SV2B: variants seen among roughly 807,000 people sequenced by gnomAD.
The protein encoded by SV2B is synaptic vesicle glycoprotein 2B.
In SV2B, 41 loss-of-function variants were observed where a neutral mutation model predicts 73.9. The ratio of observed to expected loss-of-function variants is 0.56; its 90% CI spans 0.43 to 0.72. The LOEUF is 0.72. Ranked by LOEUF, SV2B falls within the 30% of genes least tolerant of loss-of-function variation. The pLI is 0.00. For synonymous variants in SV2B, 314 were observed against 314.2 expected, an observed-to-expected ratio of 1.00 and a Z score of 0.01; for missense variants, 764 against 857.8, an observed-to-expected ratio of 0.89 and a Z score of 1.37.
intron 1 of SV2B, among the ~76,000 whole-genome samples, chr15:91,194,605 T>C (rs2045175442): frequency 6.6e-6 from 1 of 152,212 alleles, no homozygotes; most frequent in South Asian, 2.1e-4. Context: ...ATGAAGTGCC[T>C]TGGGGCTGTG....
Position 91,136,343 on chromosome 15 carries a change from C to G in SV2B, c.-392+35980C>G, listed in dbSNP as rs1253336818. ...AAGGTTTGATGTAGGGTTGATGCATCTGACAGCCAGAATGTAAGGGGTCAG... is the reference window on the plus strand; with the variant it reads ...AAGGTTTGATGTAGGGTTGATGCATGTGACAGCCAGAATGTAAGGGGTCAG... On this transcript the variant is annotated intron_variant, in intron 1 of 12. Coordinates refer to ENST00000394232, the MANE Select transcript of SV2B (RefSeq NM_001323032.3). This position sits in a 1 kb window ranked among gnomAD's most constrained non-coding sequence, Gnocchi z 5.6. 6.6e-6 allele frequency among the ~76,000 whole-genome samples: 1 copy of G among 152,158 alleles called. No individual in the cohort carries two copies. Among genetic ancestry groups the G allele is most frequent in the South Asian group, 2.1e-4 (1 of 4,808 alleles).
At chr15:91,114,510 A>G (rs1410312323) in intron 1 of SV2B, among the ~76,000 whole-genome samples, 1 of 152,198 alleles carries the variant, frequency 6.6e-6, no homozygotes, top group Non-Finnish European at 1.5e-5. Flanking sequence ...GCTGGCCCTG[A>G]CAATGTGAGC....
intron 1 of SV2B, among the ~76,000 whole-genome samples, chr15:91,188,448 G>A (rs1222995136): frequency 6.6e-6 from 1 of 152,076 alleles, no homozygotes; most frequent in African/African-American, 2.4e-5. Context: ...CAAGTAGCTG[G>A]GACTACAGGC....
At chr15:91,138,283 T>C (rs1359701453) in intron 1 of SV2B, among the ~76,000 whole-genome samples, 2 of 152,246 alleles carry the variant, frequency 1.3e-5, no homozygotes, top group East Asian at 3.8e-4. Context: ...GTCACATGCA[T>C]GTGTTGAGCA....
intron 1 of SV2B, among the ~76,000 whole-genome samples, chr15:91,113,479 G>T (rs2042092955): frequency 6.6e-6 from 1 of 152,194 alleles, no homozygotes; most frequent in Admixed American, 6.5e-5. Flanking sequence ...ATGGGAACAA[G>T]TTGAGGAGGA....
At chr15:91,153,624 C>G (rs1201238150) in intron 1 of SV2B, among the ~76,000 whole-genome samples, 1 of 152,086 alleles carries the variant, frequency 6.6e-6, no homozygotes, top group East Asian at 1.9e-4. Context: ...CTGAGATAAG[C>G]TTGTGTCATG....
chr15:91,282,214 A>G (rs542340439), intron 10 of SV2B, among the ~76,000 whole-genome samples: 2 of 152,382 alleles, frequency 1.3e-5, no homozygotes, highest in South Asian at 4.1e-4. Context: ...GCTGCATTTT[A>G]TGCACGGAAT....
At chr15:91,166,015 C>A (rs1032264701) in intron 1 of SV2B, among the ~76,000 whole-genome samples, 2 of 152,274 alleles carry the variant, frequency 1.3e-5, no homozygotes, top group South Asian at 4.1e-4. Context: ...CCTTTTCTTT[C>A]AGCACTTAAA....
chr15:91,219,827 T>A (rs1057394345), intron 1 of SV2B, among the ~76,000 whole-genome samples: 6 of 152,204 alleles, frequency 3.9e-5, no homozygotes, highest in African/African-American at 1.4e-4. Flanking sequence ...ACTAATCTAC[T>A]TTCTTTCTAT....
chr15:91,174,613 T>C (rs1384087835), intron 1 of SV2B, among the ~76,000 whole-genome samples: 1 of 152,222 alleles, frequency 6.6e-6, no homozygotes, highest in Admixed American at 6.5e-5. Context: ...AGGAAGCTCC[T>C]GGCTAGCTCA....
At chr15:91,168,309 A>G (rs1184994209) in intron 1 of SV2B, among the ~76,000 whole-genome samples, 4 of 151,480 alleles carry the variant, frequency 2.6e-5, no homozygotes, top group African/African-American at 9.7e-5. Flanking sequence ...TACGAGAGAG[A>G]GAGAGAGAGA....
Position 91,141,507 on chromosome 15 carries a change from A to G in SV2B, c.-392+41144A>G, listed in dbSNP as rs146009851. Among the ~76,000 whole-genome samples, 4 of 152,338 alleles carry G rather than the reference A, an allele frequency of 2.6e-5. No homozygotes were observed. The highest frequency in any genetic ancestry group is 6.5e-5 in the Admixed American group (1 of 15,298). ...TTGAGGGCCAGCTCTGCCACTTACCATCTGTGAGACTTTCAGCGAGTTACC... is the reference window on the plus strand; with the variant it reads ...TTGAGGGCCAGCTCTGCCACTTACCGTCTGTGAGACTTTCAGCGAGTTACC... On this transcript the variant is annotated intron_variant, in intron 1 of 12. Transcript: ENST00000394232. The surrounding 1 kb of genome is among the most constrained non-coding windows in gnomAD (Gnocchi z 4.6).
rs1757797408 is a variant in SV2B, at chr15:91,138,588, A to G, written c.-392+38225A>G. On this transcript the variant is annotated intron_variant, in intron 1 of 12. Transcript: ENST00000394232. ...TAAAAAAATGGATGGTTGCATCTGT[A>G]CTAAATGGGTACAGACTTTTTTTTC... 4.6e-5 allele frequency among the ~76,000 whole-genome samples: 7 copies of G among 152,222 alleles called. No homozygotes were observed. The South Asian group carries it at 1.2e-3, about 27-fold the overall frequency.
At position 91,130,345 on chromosome 15, in the gene SV2B, G is replaced by A. The variant is rs1342805813; in HGVS notation, c.-392+29982G>A. Among the ~76,000 whole-genome samples, 3 of 152,176 alleles carry A rather than the reference G, an allele frequency of 2.0e-5. No homozygotes were observed. Among genetic ancestry groups the A allele is most frequent in the Non-Finnish European group, 1.5e-5 (1 of 68,040 alleles). On this transcript the variant is annotated intron_variant, in intron 1 of 12. Coordinates refer to ENST00000394232, the MANE Select transcript of SV2B (RefSeq NM_001323032.3). The surrounding 1 kb of genome is among the most constrained non-coding windows in gnomAD (Gnocchi z 5.6). ...GGAACCAATTGCAACTCAGGGACAA[G>A]GTCAGGGTTGGAGTTACGTGCTTGG...
intron 6 of SV2B, among the ~76,000 whole-genome samples, chr15:91,266,158 C>G (rs2048092777): frequency 6.6e-6 from 1 of 152,084 alleles, no homozygotes; most frequent in Non-Finnish European, 1.5e-5. Flanking sequence ...CAAAACCAAA[C>G]AAAAACAAAC....
Position 91,267,634 on chromosome 15 carries a change from T to A in SV2B, c.1199T>A (p.Met400Lys). Reference sequence around the variant, plus strand: ...ATTCTGGCCGTGGTTTGGTTTGCCATGGCATTCAGGTAAGTTCTGTCTTAC... The same window carrying A: ...ATTCTGGCCGTGGTTTGGTTTGCCAAGGCATTCAGGTAAGTTCTGTCTTAC... The part of the protein sequence containing the change: ...TLILAVVWFA[M>K]AFSYYGLTVW... Residue 400 changes from methionine (M) to lysine (K), a missense_variant, in exon 8 of 13, where the codon ATG becomes AAG. Transcript: ENST00000394232. The surrounding 1 kb of genome is among the most constrained non-coding windows in gnomAD (Gnocchi z 4.3). 6.2e-7 allele frequency: 1 copy of A among 1,612,022 alleles called. No homozygotes were observed. Among genetic ancestry groups the A allele is most frequent in the South Asian group, 1.1e-5 (1 of 90,412 alleles).
intron 1 of SV2B, among the ~76,000 whole-genome samples, chr15:91,172,598 C>T (rs1432063692): frequency 3.9e-5 from 6 of 152,228 alleles, no homozygotes; most frequent in Non-Finnish European, 7.3e-5. Flanking sequence ...CTCTCTGTGT[C>T]TCCTTCCAGG....
intron 1 of SV2B, among the ~76,000 whole-genome samples, chr15:91,161,779 G>A (rs1022434127): frequency 3.9e-5 from 6 of 152,214 alleles, no homozygotes; most frequent in Admixed American, 1.3e-4. Context: ...CAAACAACAA[G>A]TGTGTTAATC....
rs1050677677 is a variant in SV2B at position 91,289,950 on chromosome 15, T to G, written c.1868+270T>G. Among the ~76,000 whole-genome samples the G allele has an allele frequency of 8.5e-5, 13 of 152,258 alleles. No homozygotes were observed. Among genetic ancestry groups the G allele is most frequent in the Admixed American group, 3.3e-4 (5 of 15,298 alleles). ...AGGAGAAGGAAATAAGAGTGAAAAG[T>G]TGGTAAAACCATATGTGTCATGTAA... On this transcript the variant is annotated intron_variant, in intron 12 of 12. Transcript: ENST00000394232. The surrounding 1 kb of genome is among the most constrained non-coding windows in gnomAD (Gnocchi z 4.9).
Sources: gnomAD v4.1 joint callset for allele counts (sites outside exome capture counted in the v4.1 genomes callset) on GRCh38, gnomAD v4.1.1 for gene constraint, Gnocchi (gnomAD v3.1) non-coding constraint, MANE v1.5 for transcripts, NCBI Gene and HGNC (gene_info 2026-07-23, HGNC 2026-07-21) for gene names.